The following UNC5D variants were observed in gnomAD, a reference collection of about 807,000 sequenced individuals.
UNC5D encodes the protein netrin receptor UNC5D.
In UNC5D, 39 loss-of-function variants were observed where a neutral mutation model predicts 105.4. The ratio of observed to expected loss-of-function variants is 0.37; its 90% CI spans 0.29 to 0.48. UNC5D has a LOEUF of 0.48. UNC5D is among the 20% of genes least tolerant of loss of function. UNC5D has a pLI of 0.98. For synonymous variants in UNC5D, 452 were observed against 450.4 expected, an observed-to-expected ratio of 1.00 and a Z score of -0.04; for missense variants, 991 against 1,202.4, an observed-to-expected ratio of 0.82 and a Z score of 2.60.
chr8:35,448,823 C>T (rs914882037), intron 1 of UNC5D, among the ~76,000 whole-genome samples: 4 of 152,102 alleles, frequency 2.6e-5, no homozygotes, highest in African/African-American at 9.7e-5. Flanking sequence ...TCCGTGTGTA[C>T]ACATTGTTTA....
chr8:35,719,723 C>T (rs1355236157), intron 8 of UNC5D, among the ~76,000 whole-genome samples: 2 of 152,092 alleles, frequency 1.3e-5, no homozygotes, highest in Non-Finnish European at 2.9e-5. Flanking sequence ...TTTTATAATT[C>T]CCAGGACAAA....
At chr8:35,239,311 G>C (rs997902123) in intron 1 of UNC5D, among the ~76,000 whole-genome samples, 1 of 152,156 alleles carries the variant, frequency 6.6e-6, no homozygotes, top group Non-Finnish European at 1.5e-5. Context: ...CCGTCAGGTA[G>C]TTCTACACTG....
intron 1 of UNC5D, among the ~76,000 whole-genome samples, chr8:35,492,039 A>T (rs913970421): frequency 6.6e-6 from 1 of 151,622 alleles, no homozygotes; most frequent in Non-Finnish European, 1.5e-5. Context: ...ATAGTCTCAA[A>T]TGTTTCACTT....
chr8:35,777,830 C>T (rs907430270), intron 16 of UNC5D, among the ~76,000 whole-genome samples: 1 of 152,110 alleles, frequency 6.6e-6, no homozygotes, highest in Non-Finnish European at 1.5e-5. Flanking sequence ...GTTATTGGCT[C>T]TATCTTAAAG....
intron 1 of UNC5D, among the ~76,000 whole-genome samples, chr8:35,341,873 C>T (rs150567680): frequency 3.3e-5 from 5 of 152,098 alleles, no homozygotes; most frequent in Admixed American, 6.5e-5. Context: ...AATAACCATG[C>T]GGTTCTTTTT....
intron 1 of UNC5D, among the ~76,000 whole-genome samples, chr8:35,295,233 GATAA>G (rs892880043): frequency 3.9e-5 from 6 of 152,108 alleles, no homozygotes; most frequent in African/African-American, 1.4e-4. Flanking sequence ...CATAAATTTT[GATAA>G]ATGTTAACTT....
At chr8:35,730,436 T>C (rs1829122477) in intron 10 of UNC5D, among the ~76,000 whole-genome samples, 1 of 152,170 alleles carries the variant, frequency 6.6e-6, no homozygotes, top group African/African-American at 2.4e-5. Flanking sequence ...GTCATGGTTG[T>C]GCAATAATCT....
chr8:35,641,382 A>AAAAGAAAAAAAAAAAAAAAAAG (rs1822721117), intron 4 of UNC5D, among the ~76,000 whole-genome samples: 1 of 150,564 alleles, frequency 6.6e-6, no homozygotes, highest in African/African-American at 2.4e-5. Context: ...AAAAAAAAAA[A>AAAAGAAAAAAAAAAAAAAAAAG]AAAGAAAAAA....
chr8:35,274,871 C>T (rs1329443341), intron 1 of UNC5D, among the ~76,000 whole-genome samples: 4 of 151,990 alleles, frequency 2.6e-5, no homozygotes, highest in African/African-American at 9.6e-5. Flanking sequence ...AGGTGGATCA[C>T]CTGAGGTTGG....
At chr8:35,540,680 G>C (rs928560118) in intron 1 of UNC5D, among the ~76,000 whole-genome samples, 2 of 152,078 alleles carry the variant, frequency 1.3e-5, no homozygotes, top group Non-Finnish European at 2.9e-5. Flanking sequence ...TTCCATTAGG[G>C]GACAAAGCTG....
At chr8:35,660,513 T>G (rs560140452) in intron 4 of UNC5D, among the ~76,000 whole-genome samples, 1 of 152,326 alleles carries the variant, frequency 6.6e-6, no homozygotes, top group African/African-American at 2.4e-5. Context: ...TGGTGGTGTT[T>G]ATCACCCAGC....
chr8:35,409,928 T>TC (rs11422924), intron 1 of UNC5D, among the ~76,000 whole-genome samples: 50 of 34,930 alleles, frequency 1.4e-3, no homozygotes, highest in African/African-American at 7.7e-3. Flanking sequence ...ATCTTAGCTC[T>TC]TTTTTTTTTT....
At chr8:35,347,110 T>C (rs1433838140) in intron 1 of UNC5D, among the ~76,000 whole-genome samples, 4 of 152,048 alleles carry the variant, frequency 2.6e-5, no homozygotes, top group African/African-American at 9.7e-5. Context: ...AACAGCTTAA[T>C]GTTTTGGAAA....
intron 1 of UNC5D, among the ~76,000 whole-genome samples, chr8:35,475,478 A>G (rs1046431359): frequency 6.6e-6 from 1 of 151,714 alleles, no homozygotes; most frequent in Non-Finnish European, 1.5e-5. Context: ...ATGTGTGTCA[A>G]CTCCCACCTT....
intron 1 of UNC5D, among the ~76,000 whole-genome samples, chr8:35,332,814 G>A (rs1345149383): frequency 1.3e-5 from 2 of 152,102 alleles, no homozygotes; most frequent in African/African-American, 4.8e-5. Context: ...CCTACTTTGA[G>A]GTATGGTAAA....
chr8:35,663,578 C>T (rs998036033), intron 4 of UNC5D, among the ~76,000 whole-genome samples: 8 of 151,772 alleles, frequency 5.3e-5, no homozygotes, highest in East Asian at 1.9e-4. Flanking sequence ...CTGGTGGTGG[C>T]GGGAGGTGTA....
At chr8:35,281,366 TG>T (rs1806143548) in intron 1 of UNC5D, among the ~76,000 whole-genome samples, 1 of 152,110 alleles carries the variant, frequency 6.6e-6, no homozygotes, top group Non-Finnish European at 1.5e-5. Flanking sequence ...TGAGTGGAAG[TG>T]GTCTTTGCAC....
At chr8:35,382,311 T>A (rs994741334) in intron 1 of UNC5D, among the ~76,000 whole-genome samples, 1 of 152,216 alleles carries the variant, frequency 6.6e-6, no homozygotes, top group African/African-American at 2.4e-5. Flanking sequence ...GCCAGACAAC[T>A]GTATTTCTTA....
chr8:35,422,128 C>A (rs979232314), intron 1 of UNC5D, among the ~76,000 whole-genome samples: 7 of 152,160 alleles, frequency 4.6e-5, no homozygotes, highest in African/African-American at 1.7e-4. Context: ...CCTAGAGAGC[C>A]CCATCTCACA....
Sources: allele counts gnomAD v4.1 joint callset (sites outside exome capture counted in the v4.1 genomes callset), GRCh38; gene constraint gnomAD v4.1.1; transcripts MANE v1.5; gene names NCBI Gene and HGNC (gene_info 2026-07-23, HGNC 2026-07-21).